FIS1: variants seen among roughly 807,000 people sequenced by gnomAD.
FIS1 encodes the protein mitochondrial fission 1 protein.
FIS1 carries 16 observed loss-of-function variants against 21.6 expected under a neutral mutation model. That is an observed-to-expected ratio of 0.74 (90% confidence interval 0.50 to 1.12). The LOEUF (loss-of-function observed/expected upper bound fraction) is 1.12, where lower values mean the gene tolerates loss of function less well. Among genes scored for constraint, FIS1 ranks in the 50% most tolerant of loss-of-function variants. FIS1 has a pLI of 0.00. For missense variants in FIS1, 198 were observed against 190.9 expected, an observed-to-expected ratio of 1.04 and a Z score of -0.22; for synonymous variants, 92 against 82.2, an observed-to-expected ratio of 1.12 and a Z score of -0.65.
chr7:101,242,009 T>G (rs1422477823), intron 2 of FIS1, among the ~76,000 whole-genome samples: 2 of 152,038 alleles, frequency 1.3e-5, no homozygotes, highest in Non-Finnish European at 2.9e-5. Flanking sequence ...AGCATGTCCA[T>G]GGCTCACTGC....
In FIS1 at chr7:101,245,056, A is replaced by G. The variant is rs768690143; in HGVS notation, c.-52T>C. 4.4e-6 allele frequency: 7 copies of G among 1,587,284 alleles called. No homozygotes were observed. The highest frequency in any genetic ancestry group is 6.0e-6 in the Non-Finnish European group (7 of 1,161,830). On this transcript the variant is annotated 5_prime_UTR_variant, in exon 1 of 5. It removes an upstream start codon present in the reference 5' UTR. Transcript: ENST00000223136. Reference sequence around the variant, plus strand: ...TACAGTCTACTGTGCCACAGTCTCCATGGCCCAGTGGCAGGGGCGGAGAAC... The same window carrying G: ...TACAGTCTACTGTGCCACAGTCTCCGTGGCCCAGTGGCAGGGGCGGAGAAC...
At chr7:101,240,063 G>T in intron 4 of FIS1, 79 bp downstream of exon 4, 2 of 1,510,994 alleles carry the variant, frequency 1.3e-6, no homozygotes, top group Non-Finnish European at 1.8e-6. Context: ...GGGCTGCCTG[G>T]AGGGGTTCAT....
In FIS1 at chr7:101,243,578, CAAAAACA is replaced by C. The variant is rs906196708; in HGVS notation, c.178+422_178+428del. The stretch of plus-strand genomic sequence containing the variant: ...GGACAGAGCAAGACTCCGTCTCAAA[CAAAAACA>C]AAAAACAAAAAGCACTATCTGCTCA... On this transcript the variant is annotated intron_variant, in intron 2 of 4. Coordinates refer to ENST00000223136, the MANE Select transcript of FIS1 (RefSeq NM_016068.3). 3.1e-3 allele frequency among the ~76,000 whole-genome samples: 477 copies of C among 152,054 alleles called. 4 individuals are homozygous for C. The highest frequency in any genetic ancestry group is 5.4e-3 in the Non-Finnish European group (364 of 67,946).
Position 101,244,068 on chromosome 7 carries a change from G to A in FIS1, c.117C>T (p.Ala39=). ...TGTACTTGCTCCGCACCAGGCACCA[G>A]GCGTACTCAAACTGCGTGCTCTTGG... ...SVSKSTQFEY[A]WCLVRSKYND... Residue 39 remains alanine, a synonymous_variant, in exon 2 of 5, where the codon GCC becomes GCT. Coordinates refer to ENST00000223136, the MANE Select transcript of FIS1 (RefSeq NM_016068.3). 6.8e-6 allele frequency: 11 copies of A among 1,614,102 alleles called. No individual in the cohort carries two copies. The highest frequency in any genetic ancestry group is 9.3e-6 in the Non-Finnish European group (11 of 1,180,012).
chr7:101,244,693 T>C (rs769647730), intron 1 of FIS1: 17 of 554,960 alleles, frequency 3.1e-5, no homozygotes, highest in Non-Finnish European at 2.6e-5. Context: ...AGCTCCTGCA[T>C]GATCCCAGAT....
intron 1 of FIS1, 181 bp downstream of exon 1, chr7:101,244,779 G>A (rs1468826024): frequency 4.4e-6 from 3 of 687,822 alleles, no homozygotes; most frequent in Non-Finnish European, 7.5e-6. Context: ...ACAACTCCCA[G>A]GAGCCTCTGC....
intron 1 of FIS1, chr7:101,244,752 G>A: frequency 3.3e-6 from 2 of 599,824 alleles, no homozygotes; most frequent in East Asian, 2.8e-5. Flanking sequence ...TCTGAGGTGT[G>A]GGGGGCTCAG....
intron 1 of FIS1, chr7:101,244,476 C>T: frequency 2.8e-6 from 1 of 351,524 alleles, no homozygotes; most frequent in South Asian, 3.7e-5. Flanking sequence ...ACGCGGTCCT[C>T]ATTTGAGGCT....
chr7:101,245,046 C>T lies in FIS1; in HGVS notation c.-42G>A. On this transcript the variant is annotated 5_prime_UTR_variant, in exon 1 of 5. Transcript: ENST00000223136. ...AGCCTCACACTACAGTCTACTGTGC[C>T]ACAGTCTCCATGGCCCAGTGGCAGG... is the stretch of plus-strand genomic sequence containing the variant. 6.2e-7 allele frequency: 1 copy of T among 1,609,388 alleles called. No homozygotes were observed. The highest frequency in any genetic ancestry group is 1.1e-5 in the South Asian group (1 of 90,344).
In FIS1 at chr7:101,240,258, G is replaced by A. The variant is rs750862191; in HGVS notation, c.256-11C>T. On this transcript the variant is annotated splice_polypyrimidine_tract_variant and intron_variant, in intron 3 of 4. Coordinates refer to ENST00000223136, the MANE Select transcript of FIS1 (RefSeq NM_016068.3). ...GGCCTTCTCGTATTCCTGCGCTCGGGGAAACGCGCACGCGTCATACACACC... is the reference window on the plus strand; with the variant it reads ...GGCCTTCTCGTATTCCTGCGCTCGGAGAAACGCGCACGCGTCATACACACC... The A allele has an allele frequency of 3.1e-6, 5 of 1,613,664 alleles. No individual in the cohort carries two copies. The highest frequency in any genetic ancestry group is 1.1e-5 in the South Asian group (1 of 91,068).
At chr7:101,244,193 C>T (rs1328526546) in intron 1 of FIS1, 54 bp from the exon 2 acceptor site, 2 of 1,581,444 alleles carry the variant, frequency 1.3e-6, no homozygotes, top group Non-Finnish European at 1.7e-6. Context: ...CAACCATTCT[C>T]TATCTGGACA....
At chr7:101,241,394 T>C (rs1478231292) in intron 2 of FIS1, among the ~76,000 whole-genome samples, 1 of 152,070 alleles carries the variant, frequency 6.6e-6, no homozygotes, top group Admixed American at 6.6e-5. Flanking sequence ...CTAATTTTTG[T>C]ATTTTCAGTA....
Position 101,240,159 on chromosome 7 carries a change from T to A in FIS1, c.344A>T (p.Asp115Val). ...GCTGTCACCTTTCTTCATGGCCTTG[T>A]CAATGAGCCGCTCCAGTTCCTTGGC... ...NQAKELERLI[D>V]KAMKKDGLVG... Residue 115 changes from aspartate (D) to valine (V), a missense_variant, in exon 4 of 5, where the codon GAC (aspartate) becomes GTC (valine). Asp to Val is a radical substitution (Grantham distance 152). Coordinates refer to ENST00000223136, the MANE Select transcript of FIS1 (RefSeq NM_016068.3). 1 of 1,614,156 alleles carries A rather than the reference T, an allele frequency of 6.2e-7. No individual in the cohort carries two copies.
At chr7:101,242,511 C>T (rs1488508692) in intron 2 of FIS1, among the ~76,000 whole-genome samples, 1 of 131,454 alleles carries the variant, frequency 7.6e-6, no homozygotes, top group African/African-American at 2.9e-5. Context: ...TTTTTTGAGA[C>T]GGAGTCTCAC....
rs1232805627 is a variant in FIS1, at chr7:101,244,168, A to G, written c.46-29T>C. 3.1e-6 allele frequency: 5 copies of G among 1,606,358 alleles called. No homozygotes were observed. In the South Asian group the frequency reaches 4.4e-5, roughly 14 times the overall value. ...CCACAGGGGAGGAAAGGAATCATTT[A>G]GAAATGTAGGGCGTCAACCATTCTC... On this transcript the variant is annotated intron_variant, in intron 1 of 4. Transcript: ENST00000223136.
At position 101,239,488 on chromosome 7, in the gene FIS1, CG is replaced by C. The variant is rs1389170273; in HGVS notation, c.*317del. ...AAGGAAGGGTGTGGGCTCTGGGCTG[CG>C]GGGTGGACAAAGAACCCCGTGCCAA... On this transcript the variant is annotated 3_prime_UTR_variant, in exon 5 of 5. Coordinates refer to ENST00000223136, the MANE Select transcript of FIS1 (RefSeq NM_016068.3). The C allele has an allele frequency of 2.3e-6, 1 of 435,600 alleles. No homozygotes were observed. The highest frequency in any genetic ancestry group is 2.0e-5 in the African/African-American group (1 of 49,650). The allele number at this position is 435,600 out of a possible 1,614,324, so 27.0% of individuals were successfully genotyped here.
intron 2 of FIS1, 148 bp downstream of exon 2, chr7:101,243,859 A>G: frequency 9.9e-7 from 1 of 1,007,290 alleles, no homozygotes; most frequent in Non-Finnish European, 1.4e-6. Flanking sequence ...GGCGGTAAGT[A>G]GCCAAAAGTT....
rs1207478558 is a variant in FIS1 at position 101,239,711 on chromosome 7, G to A, written c.*95C>T. 4.9e-6 allele frequency: 5 copies of A among 1,025,174 alleles called. No homozygotes were observed. Among genetic ancestry groups the A allele is most frequent in the Admixed American group, 4.0e-5 (2 of 50,382 alleles). The allele number at this position is 1,025,174 out of a possible 1,614,324, so 63.5% of individuals were successfully genotyped here. ...GAGCAGAAATTAGCTGAAGGCCACA[G>A]AGGATAGAGACGGGGGGCAGGGGGA... On this transcript the variant is annotated 3_prime_UTR_variant, in exon 5 of 5. Coordinates refer to ENST00000223136, the MANE Select transcript of FIS1 (RefSeq NM_016068.3).
At position 101,244,996 on chromosome 7, in the gene FIS1, G is replaced by T. The variant is rs776254079; in HGVS notation, c.9C>A (p.Ala3=). The change falls in exon 1 of 5, where the codon GCC becomes GCA. Residue 3 remains alanine (A), a synonymous_variant. Coordinates refer to ENST00000223136, the MANE Select transcript of FIS1 (RefSeq NM_016068.3). ...CCACAGACACCAGCTCGTTCAGCAC[G>T]GCCTCCATGGCCACTGCCCCCGCGA... The part of the protein sequence containing the change: ME[A]VLNELVSVED... 6.8e-6 allele frequency: 11 copies of T among 1,613,916 alleles called. No homozygotes were observed. The highest frequency in any genetic ancestry group is 8.5e-6 in the Non-Finnish European group (10 of 1,179,916).
Sources: gnomAD v4.1 joint callset for allele counts (sites outside exome capture counted in the v4.1 genomes callset) on GRCh38, gnomAD v4.1.1 for gene constraint, MANE v1.5 for transcripts, NCBI Gene and HGNC (gene_info 2026-07-23, HGNC 2026-07-21) for gene names.